Variants in RAVER2 observed in about 807,000 individuals in gnomAD.
RAVER2 encodes ribonucleoprotein PTB-binding 2.
In RAVER2, 46 loss-of-function variants were observed where a neutral mutation model predicts 78.1. The observed-to-expected ratio is 0.59, with a 90% CI of 0.46 to 0.75. The LOEUF (loss-of-function observed/expected upper bound fraction) is 0.75. Ranked by LOEUF, RAVER2 falls within the 30% of genes least tolerant of loss-of-function variation. RAVER2 has a pLI of 0.00. For missense variants in RAVER2, 793 were observed against 837.5 expected (o/e 0.95, Z 0.66); for synonymous variants, 311 against 313.3 (o/e 0.99, Z 0.08).
chr1:64,795,681 TCAC>T (rs1653076553), intron 5 of RAVER2, among the ~76,000 whole-genome samples: 1 of 152,124 alleles, frequency 6.6e-6, no homozygotes, highest in Non-Finnish European at 1.5e-5. Flanking sequence ...CTTGCTAAAC[TCAC>T]TTATTATTTC....
chr1:64,753,245 G>A (rs1651748242), intron 1 of RAVER2, among the ~76,000 whole-genome samples: 2 of 152,010 alleles, frequency 1.3e-5, no homozygotes, highest in Non-Finnish European at 2.9e-5. Flanking sequence ...TCTAGAGAGG[G>A]GATTTTGCCA....
At chr1:64,791,319 A>G (rs1557596153) in intron 5 of RAVER2, among the ~76,000 whole-genome samples, 1 of 152,142 alleles carries the variant, frequency 6.6e-6, no homozygotes, top group Non-Finnish European at 1.5e-5. Flanking sequence ...CTCAGTCTCT[A>G]GTTTGCTTCC....
chr1:64,745,193 C>G lies in RAVER2; in HGVS notation c.21C>G (p.Asp7Glu). The G allele has an allele frequency of 9.8e-7, 1 of 1,024,342 alleles. No individual in the cohort carries two copies. Among genetic ancestry groups the G allele is most frequent in the Non-Finnish European group, 1.2e-6 (1 of 857,318 alleles). 63.5% of individuals were successfully genotyped at this position (1,024,342 alleles called of 1,614,324 possible). A position where few individuals can be genotyped will look rare whatever the true frequency, so the allele number is the denominator to read the frequency against. Residue 7 changes from aspartate to glutamate, a missense_variant, in exon 1 of 12, where the codon GAC becomes GAG. Transcript: ENST00000294428. The surrounding 1 kb of genome is among the most constrained non-coding windows in gnomAD (Gnocchi z 4.3). ...GGAAGATGGCGGCGGCGGCGGGAGACGGCGGCGGCGAGGGGGGCGCGGGCC... is the reference window on the plus strand; with the variant it reads ...GGAAGATGGCGGCGGCGGCGGGAGAGGGCGGCGGCGAGGGGGGCGCGGGCC...
At chr1:64,826,910 C>A (rs1654016173) in intron 11 of RAVER2, among the ~76,000 whole-genome samples, 1 of 152,062 alleles carries the variant, frequency 6.6e-6, no homozygotes, top group Non-Finnish European at 1.5e-5. Flanking sequence ...GAGTTTTGGC[C>A]TAGAAAAATG....
chr1:64,778,022 C>T (rs1197097258), exon 3 of RAVER2: 2 of 1,613,922 alleles, frequency 1.2e-6, no homozygotes, highest in African/African-American at 2.7e-5. Flanking sequence ...GATAAACTCC[C>T]CAGTGACTAC....
At chr1:64,808,456 C>T (rs1281195616) in intron 9 of RAVER2, among the ~76,000 whole-genome samples, 6 of 103,162 alleles carry the variant, frequency 5.8e-5, no homozygotes, top group African/African-American at 7.7e-5. Context: ...TAATGCAGTC[C>T]TTTTTTTTTT....
chr1:64,766,692 A>G (rs1214110872), intron 1 of RAVER2, among the ~76,000 whole-genome samples: 4 of 152,166 alleles, frequency 2.6e-5, no homozygotes, highest in Non-Finnish European at 4.4e-5. Flanking sequence ...TGTGAAGAGC[A>G]GTATCATGTT....
chr1:64,778,698 AATAT>A (rs36073002), intron 3 of RAVER2, among the ~76,000 whole-genome samples: 1 of 148,316 alleles, frequency 6.7e-6, no homozygotes, highest in African/African-American at 2.5e-5. Flanking sequence ...CATTCTAATA[AATAT>A]ATATATATAT....
chr1:64,802,881 T>G, intron 5 of RAVER2, 95 bp from the exon 6 acceptor site: 1 of 737,028 alleles, frequency 1.4e-6, no homozygotes, highest in African/African-American at 1.8e-5. Context: ...TGTTAATAGT[T>G]TAAAGAAATA....
intron 8 of RAVER2, among the ~76,000 whole-genome samples, chr1:64,805,842 A>C (rs946702079): frequency 2.0e-5 from 3 of 152,250 alleles, no homozygotes; most frequent in Non-Finnish European, 2.9e-5. Context: ...ACAAAAGTTA[A>C]GCCAGTGAAG....
At chr1:64,827,136 T>C (rs368382440) in intron 11 of RAVER2, among the ~76,000 whole-genome samples, 1 of 152,124 alleles carries the variant, frequency 6.6e-6, no homozygotes, top group Non-Finnish European at 1.5e-5. Context: ...TGAAATTGGA[T>C]GAGATCACCA....
At chr1:64,793,999 A>G (rs1330087315) in intron 5 of RAVER2, among the ~76,000 whole-genome samples, 1 of 152,132 alleles carries the variant, frequency 6.6e-6, no homozygotes, top group East Asian at 1.9e-4. Flanking sequence ...TAAAATCTCT[A>G]TGGACATTTG....
intron 1 of RAVER2, among the ~76,000 whole-genome samples, chr1:64,765,396 C>T (rs1239409852): frequency 6.6e-6 from 1 of 152,072 alleles, no homozygotes; most frequent in Non-Finnish European, 1.5e-5. Flanking sequence ...ATAAATTATA[C>T]TATAGTCACA....
chr1:64,777,584 CAA>C, intron 2 of RAVER2, 37 bp from the exon 3 acceptor site: 1 of 1,497,346 alleles, frequency 6.7e-7, no homozygotes, highest in Non-Finnish European at 9.1e-7. Flanking sequence ...TGTTTTCAAA[CAA>C]TTTGAAAACT....
intron 5 of RAVER2, among the ~76,000 whole-genome samples, chr1:64,792,128 T>C (rs1265337193): frequency 1.3e-5 from 2 of 152,210 alleles, no homozygotes; most frequent in Non-Finnish European, 2.9e-5. Flanking sequence ...ATAGAGATGG[T>C]ATTTTTTTCT....
intron 5 of RAVER2, among the ~76,000 whole-genome samples, chr1:64,792,187 A>C (rs778184585): frequency 6.6e-6 from 1 of 152,180 alleles, no homozygotes; most frequent in African/African-American, 2.4e-5. Flanking sequence ...TTACAGTTCT[A>C]TATTTGACTT....
At chr1:64,802,938 A>G (rs910962914) in intron 5 of RAVER2, 38 bp from the exon 6 acceptor site, 7 of 1,421,644 alleles carry the variant, frequency 4.9e-6, no homozygotes, top group Non-Finnish European at 5.8e-6. Flanking sequence ...TTTTAATTCC[A>G]TATATAAATT....
intron 9 of RAVER2, among the ~76,000 whole-genome samples, chr1:64,811,816 G>A (rs1653615601): frequency 6.6e-6 from 1 of 152,126 alleles, no homozygotes; most frequent in African/African-American, 2.4e-5. Flanking sequence ...TAGGGGGTTG[G>A]CACCCCTAAC....
chr1:64,804,913 T>G (rs1395062200), intron 7 of RAVER2, 75 bp downstream of exon 7: 3 of 1,527,898 alleles, frequency 2.0e-6, no homozygotes, highest in Admixed American at 1.8e-5. Context: ...TCAGGTTGTT[T>G]ATGAATTTTC....
Sources: allele counts gnomAD v4.1 joint callset (sites outside exome capture counted in the v4.1 genomes callset), GRCh38; gene constraint gnomAD v4.1.1; non-coding constraint Gnocchi (gnomAD v3.1); transcripts MANE v1.5; gene names NCBI Gene and HGNC (gene_info 2026-07-23, HGNC 2026-07-21).